Variants in KCTD20 observed in about 807,000 individuals in gnomAD.
KCTD20 encodes BTB/POZ domain-containing protein KCTD20.
In KCTD20, 30 loss-of-function variants were observed where a neutral mutation model predicts 39.6. That is an observed-to-expected ratio of 0.76 (90% CI 0.57 to 1.03). The LOEUF is 1.03. Ranked by LOEUF, KCTD20 falls within the 50% of genes least tolerant of loss-of-function variation. The pLI, the probability that KCTD20 is intolerant of heterozygous loss-of-function variation, is 0.00. For synonymous variants in KCTD20, 162 were observed against 180.6 expected (o/e 0.90, Z 0.83); for missense variants, 422 against 522.0 (o/e 0.81, Z 1.87).
At chr6:36,482,927 C>CA (rs1173013194) in intron 6 of KCTD20, among the ~76,000 whole-genome samples, 2 of 131,018 alleles carry the variant, frequency 1.5e-5, no homozygotes, top group East Asian at 4.4e-4. Context: ...GCCTGAGTGA[C>CA]AGAGCAAGAC....
chr6:36,480,150 A>G (rs561652518), intron 5 of KCTD20, among the ~76,000 whole-genome samples: 1 of 152,284 alleles, frequency 6.6e-6, no homozygotes, highest in Non-Finnish European at 1.5e-5. Flanking sequence ...AATCTTCTGC[A>G]GAGGCAGAGA....
At chr6:36,480,690 T>C (rs1380380280) in intron 5 of KCTD20, among the ~76,000 whole-genome samples, 1 of 152,082 alleles carries the variant, frequency 6.6e-6, no homozygotes, top group African/African-American at 2.4e-5. Context: ...GCAGCTGGGA[T>C]TACGGGCACG....
chr6:36,478,531 T>C (rs1415080489), intron 3 of KCTD20, among the ~76,000 whole-genome samples: 1 of 152,170 alleles, frequency 6.6e-6, no homozygotes, highest in African/African-American at 2.4e-5. Context: ...CATTAATTAT[T>C]CTTTGTATTG....
At chr6:36,455,910 C>T (rs953545696) in intron 1 of KCTD20, among the ~76,000 whole-genome samples, 4 of 152,132 alleles carry the variant, frequency 2.6e-5, no homozygotes, top group Non-Finnish European at 4.4e-5. Flanking sequence ...CTACCAAATA[C>T]CTTGACAGCA....
At chr6:36,470,348 A>G in intron 2 of KCTD20, 91 bp downstream of exon 2, 3 of 1,222,994 alleles carry the variant, frequency 2.5e-6, no homozygotes, top group Non-Finnish European at 3.4e-6. Flanking sequence ...TTTAATCTAA[A>G]TAAATTATCC....
At position 36,479,537 on chromosome 6, in the gene KCTD20, G is replaced by T; in HGVS notation, c.538-54G>T. 4 of 1,510,278 alleles carry T rather than the reference G, an allele frequency of 2.6e-6. No homozygotes were observed. In the South Asian group the frequency reaches 4.6e-5, roughly 18 times the overall value. The allele number at this position is 1,510,278 out of a possible 1,614,324, so 93.6% of individuals were successfully genotyped here. Reference sequence around the variant, plus strand: ...ACCAGGAATGCACAGGGATGAAGAAGTAATTTTTCATCTTGTTCTCTGCCT... The same window carrying T: ...ACCAGGAATGCACAGGGATGAAGAATTAATTTTTCATCTTGTTCTCTGCCT... On this transcript the variant is annotated intron_variant, in intron 4 of 7. Transcript: ENST00000373731.
chr6:36,458,874 A>G (rs1478325492), intron 1 of KCTD20, among the ~76,000 whole-genome samples: 2 of 151,952 alleles, frequency 1.3e-5, no homozygotes, highest in African/African-American at 2.4e-5. Flanking sequence ...GCATGGTGGC[A>G]TGTATCTGTG....
At position 36,469,549 on chromosome 6, in the gene KCTD20, G is replaced by A. The variant is rs574450121; in HGVS notation, c.-46-503G>A. 5.2e-4 allele frequency among the ~76,000 whole-genome samples: 79 copies of A among 152,268 alleles called. No homozygotes were observed. Among genetic ancestry groups the A allele is most frequent in the African/African-American group, 1.7e-3 (69 of 41,548 alleles). On this transcript the variant is annotated intron_variant, in intron 1 of 7. Transcript: ENST00000373731. This position sits in a 1 kb window ranked among gnomAD's most constrained non-coding sequence, Gnocchi z 4.6. The stretch of plus-strand genomic sequence containing the variant: ...AGGGGAGATAAAAAGGAGAACTTGA[G>A]CTCTACAATCAGAATTAGCTTTTTT...
At chr6:36,445,126 G>A (rs754418834) in intron 1 of KCTD20, among the ~76,000 whole-genome samples, 5 of 152,060 alleles carry the variant, frequency 3.3e-5, no homozygotes, top group South Asian at 4.2e-4. Flanking sequence ...GCCAGGCATG[G>A]TGGTGGGCAC....
Position 36,457,970 on chromosome 6 carries a change from T to C in KCTD20, c.-46-12082T>C, listed in dbSNP as rs185803592. ...AGATCCCAGATTTTGAGGTTCATGA[T>C]TGGTAAAATTGTGGCGGTGGGTGAT... On this transcript the variant is annotated intron_variant, in intron 1 of 7. Coordinates refer to ENST00000373731, the MANE Select transcript of KCTD20 (RefSeq NM_173562.5). 5.2e-3 allele frequency among the ~76,000 whole-genome samples: 786 copies of C among 152,230 alleles called. 9 individuals are homozygous for C. The highest frequency in any genetic ancestry group is 0.018 in the African/African-American group (728 of 41,524).
chr6:36,449,450 A>G (rs1471930573), intron 1 of KCTD20, among the ~76,000 whole-genome samples: 2 of 151,682 alleles, frequency 1.3e-5, no homozygotes, highest in Non-Finnish European at 2.9e-5. Flanking sequence ...GTGCGTTTAC[A>G]ATCCTTTAGC....
chr6:36,447,621 C>T (rs1775086036), intron 1 of KCTD20, among the ~76,000 whole-genome samples: 1 of 150,914 alleles, frequency 6.6e-6, no homozygotes, highest in African/African-American at 2.4e-5. Flanking sequence ...CAGAGCGAGA[C>T]TCTGTCTCAA....
chr6:36,463,139 T>G (rs759387773), intron 1 of KCTD20, among the ~76,000 whole-genome samples: 2 of 152,228 alleles, frequency 1.3e-5, no homozygotes, highest in Non-Finnish European at 2.9e-5. Context: ...CTGATTGGTT[T>G]ACTTTCTTTC....
intron 1 of KCTD20, among the ~76,000 whole-genome samples, chr6:36,450,620 G>T (rs1222060727): frequency 6.6e-6 from 1 of 152,094 alleles, no homozygotes. Context: ...TCAGAACCAT[G>T]CTTACTTTTG....
chr6:36,466,054 G>C (rs1354205546), intron 1 of KCTD20, among the ~76,000 whole-genome samples: 1 of 151,414 alleles, frequency 6.6e-6, no homozygotes, highest in Non-Finnish European at 1.5e-5. Context: ...TTATATTGTT[G>C]TTGAAGTGTT....
chr6:36,483,340 G>A (rs536474103), intron 6 of KCTD20, among the ~76,000 whole-genome samples: 41 of 134,842 alleles, frequency 3.0e-4, no homozygotes, highest in Non-Finnish European at 4.6e-4. Flanking sequence ...AACCTCCCAA[G>A]AAGCTGGGAC....
intron 1 of KCTD20, 22 bp from the exon 2 acceptor site, chr6:36,470,030 C>A: frequency 7.3e-7 from 1 of 1,364,062 alleles, no homozygotes; most frequent in South Asian, 1.7e-5. Context: ...AGTTCTAAAT[C>A]ATGCATATTC....
At chr6:36,480,410 C>CTTTTT (rs550520667) in intron 5 of KCTD20, among the ~76,000 whole-genome samples, 4 of 121,794 alleles carry the variant, frequency 3.3e-5, no homozygotes, top group African/African-American at 3.2e-5. Flanking sequence ...ATGATATTGC[C>CTTTTT]TTTTTTTTTT....
intron 1 of KCTD20, among the ~76,000 whole-genome samples, chr6:36,458,541 CA>C (rs1174858102): frequency 0.34 from 22,641 of 66,862 alleles, 2,145 homozygotes; most frequent in African/African-American, 0.43. Context: ...AACTCCATCT[CA>C]AAAAAAAAAA....
Sources: allele counts gnomAD v4.1 joint callset (sites outside exome capture counted in the v4.1 genomes callset), GRCh38; gene constraint gnomAD v4.1.1; non-coding constraint Gnocchi (gnomAD v3.1); transcripts MANE v1.5; gene names NCBI Gene and HGNC (gene_info 2026-07-23, HGNC 2026-07-21).